The following MAGI1 variants were observed in gnomAD, a reference collection of about 807,000 sequenced individuals.
MAGI1 encodes the protein membrane associated guanylate kinase, WW and PDZ domain containing 1.
In MAGI1, 58 loss-of-function variants were observed where a neutral mutation model predicts 139.9. The ratio of observed to expected loss-of-function variants is 0.41; its 90% CI spans 0.34 to 0.52. The LOEUF is 0.52. MAGI1 is among the 20% of genes least tolerant of loss of function. MAGI1 has a pLI of 0.12. For synonymous variants in MAGI1, 812 were observed against 737.9 expected, an observed-to-expected ratio of 1.10 and a Z score of -1.63; for missense variants, 1,874 against 1,901.6, an observed-to-expected ratio of 0.99 and a Z score of 0.27.
At chr3:65,482,919 A>T (rs1054479239) in intron 3 of MAGI1, among the ~76,000 whole-genome samples, 4 of 152,190 alleles carry the variant, frequency 2.6e-5, no homozygotes, top group Non-Finnish European at 5.9e-5. Context: ...ATTCACATGA[A>T]CATACTAAAT....
At chr3:65,613,809 G>A (rs907625481) in intron 2 of MAGI1, among the ~76,000 whole-genome samples, 15 of 152,038 alleles carry the variant, frequency 9.9e-5, no homozygotes, top group Non-Finnish European at 1.5e-4. Context: ...ACAAATGCCG[G>A]AAAGTCAGTT....
intron 14 of MAGI1, among the ~76,000 whole-genome samples, chr3:65,388,132 T>C (rs913630453): frequency 1.3e-5 from 2 of 152,182 alleles, no homozygotes; most frequent in African/African-American, 4.8e-5. Context: ...TAATTAAACA[T>C]TGAAACCCTT....
chr3:65,630,089 T>C (rs953355340), intron 1 of MAGI1, among the ~76,000 whole-genome samples: 1 of 152,218 alleles, frequency 6.6e-6, no homozygotes. Context: ...TGTATGCCTA[T>C]GTACCTATAA....
intron 12 of MAGI1, among the ~76,000 whole-genome samples, chr3:65,403,524 T>C (rs1945077969): frequency 6.6e-6 from 1 of 152,222 alleles, no homozygotes; most frequent in Non-Finnish European, 1.5e-5. Flanking sequence ...TTCAAAATTA[T>C]ATAAGATGAC....
intron 1 of MAGI1, among the ~76,000 whole-genome samples, chr3:65,786,394 C>A (rs111947627): frequency 0.13 from 19,074 of 151,632 alleles, 1,670 homozygotes; most frequent in Non-Finnish European, 0.2. Flanking sequence ...GCAGCCTCAA[C>A]CTCCTAGTCT....
At chr3:65,867,356 C>T (rs2059765019) in intron 1 of MAGI1, among the ~76,000 whole-genome samples, 1 of 152,174 alleles carries the variant, frequency 6.6e-6, no homozygotes, top group Non-Finnish European at 1.5e-5. Context: ...CTGAACACAT[C>T]AATCAACTGT....
At chr3:65,482,848 T>C (rs1264927571) in intron 3 of MAGI1, among the ~76,000 whole-genome samples, 1 of 152,240 alleles carries the variant, frequency 6.6e-6, no homozygotes. Flanking sequence ...CTGTAAAGTC[T>C]GGTTCCAGGG....
intron 2 of MAGI1, among the ~76,000 whole-genome samples, chr3:65,608,122 A>G (rs2082847551): frequency 6.6e-6 from 1 of 152,186 alleles, no homozygotes; most frequent in East Asian, 1.9e-4. Context: ...TCTACAAATC[A>G]GAAAGCAAAT....
At chr3:65,641,437 A>C (rs1164181873) in intron 1 of MAGI1, among the ~76,000 whole-genome samples, 1 of 152,142 alleles carries the variant, frequency 6.6e-6, no homozygotes, top group Non-Finnish European at 1.5e-5. Flanking sequence ...TTTTTTTTCT[A>C]ATCTCCACTA....
intron 1 of MAGI1, among the ~76,000 whole-genome samples, chr3:65,770,714 G>T (rs1315867008): frequency 6.6e-6 from 1 of 151,966 alleles, no homozygotes; most frequent in African/African-American, 2.4e-5. Flanking sequence ...TTTTGAAGTG[G>T]AGTCTCGCTC....
chr3:65,481,290 G>A (rs1004422295), intron 3 of MAGI1, among the ~76,000 whole-genome samples: 12 of 152,152 alleles, frequency 7.9e-5, no homozygotes, highest in African/African-American at 1.4e-4. Flanking sequence ...AAATTAGCAC[G>A]TGTCAAACAA....
intron 1 of MAGI1, among the ~76,000 whole-genome samples, chr3:65,779,906 C>T (rs2038790285): frequency 6.6e-6 from 1 of 151,764 alleles, no homozygotes; most frequent in Non-Finnish European, 1.5e-5. Flanking sequence ...ATGAAAATAA[C>T]AGCACTAACA....
At chr3:65,849,468 C>CATATATATATAT (rs10529813) in intron 1 of MAGI1, among the ~76,000 whole-genome samples, 232 of 144,750 alleles carry the variant, frequency 1.6e-3, no homozygotes, top group South Asian at 5.2e-3. Context: ...AGTAAACTTT[C>CATATATATATAT]ATATATATAT....
chr3:65,671,699 C>T (rs2086867028), intron 1 of MAGI1, among the ~76,000 whole-genome samples: 1 of 152,104 alleles, frequency 6.6e-6, no homozygotes, highest in African/African-American at 2.4e-5. Context: ...CCTCTCTGTG[C>T]CTCAATTTCT....
chr3:65,597,375 T>C (rs572117959), intron 2 of MAGI1, among the ~76,000 whole-genome samples: 1 of 149,338 alleles, frequency 6.7e-6, no homozygotes, highest in African/African-American at 2.5e-5. Flanking sequence ...CAACCTGCAA[T>C]GCGGAGGAGG....
At chr3:65,824,020 TTAA>T (rs758417810) in intron 1 of MAGI1, among the ~76,000 whole-genome samples, 7 of 152,216 alleles carry the variant, frequency 4.6e-5, no homozygotes, top group Non-Finnish European at 8.8e-5. Context: ...GAAGAATCTT[TTAA>T]AATCTATTTC....
At chr3:65,643,661 A>ACAG (rs1296118668) in intron 1 of MAGI1, among the ~76,000 whole-genome samples, 2 of 148,340 alleles carry the variant, frequency 1.3e-5, no homozygotes, top group African/African-American at 5.0e-5. Flanking sequence ...ATGAAGGAAA[A>ACAG]CAACAACAAC....
chr3:65,957,946 A>G (rs2064217436), intron 1 of MAGI1, among the ~76,000 whole-genome samples: 1 of 151,778 alleles, frequency 6.6e-6, no homozygotes, highest in Admixed American at 6.6e-5. Context: ...TTTTGTAGAA[A>G]GGGGGTTTCA....
intron 1 of MAGI1, among the ~76,000 whole-genome samples, chr3:66,017,263 G>C (rs1344130469): frequency 2.6e-5 from 4 of 152,254 alleles, no homozygotes; most frequent in African/African-American, 9.6e-5. Context: ...GCAAGCACTT[G>C]TGTCTCAACA....
Sources: allele counts gnomAD v4.1 joint callset (sites outside exome capture counted in the v4.1 genomes callset), GRCh38; gene constraint gnomAD v4.1.1; transcripts MANE v1.5; gene names NCBI Gene and HGNC (gene_info 2026-07-23, HGNC 2026-07-21).